The following CCDC85C variants were observed in gnomAD, a reference collection of about 807,000 sequenced individuals.
CCDC85C encodes the protein coiled-coil domain containing 85C.
A neutral mutation model predicts 38.3 loss-of-function variants in CCDC85C; 18 were observed. The observed-to-expected ratio is 0.47, with a 90% CI of 0.33 to 0.70. CCDC85C has a LOEUF of 0.70. Ranked by LOEUF, CCDC85C falls within the 30% of genes least tolerant of loss-of-function variation. The pLI is 0.03. For synonymous variants in CCDC85C, 264 were observed against 293.8 expected (o/e 0.90, Z 1.04); for missense variants, 566 against 621.2 (o/e 0.91, Z 0.94).
In CCDC85C at chr14:99,536,424, G is replaced by A. The variant is rs530390621; in HGVS notation, c.794-336C>T. On this transcript the variant is annotated intron_variant, in intron 1 of 5. Coordinates refer to ENST00000380243, the MANE Select transcript of CCDC85C (RefSeq NM_001144995.2). ...AGGTGGGGGGTGTGGGGGTGGCCTC[G>A]CCAGCCTGCCCTGGAGCAATTCCTT... Among the ~76,000 whole-genome samples the A allele has an allele frequency of 1.1e-4, 16 of 152,300 alleles. No homozygotes were observed. The South Asian group carries it at 1.9e-3, about 18-fold the overall frequency.
At position 99,572,581 on chromosome 14, in the gene CCDC85C, G is replaced by A. The variant is rs888540066; in HGVS notation, c.793+30586C>T. 16 of 430,146 alleles carry A rather than the reference G, an allele frequency of 3.7e-5. No individual in the cohort carries two copies. The highest frequency in any genetic ancestry group is 4.9e-5 in the Admixed American group (2 of 41,132). 26.6% of individuals were successfully genotyped at this position (430,146 alleles called of 1,614,324 possible). On this transcript the variant is annotated intron_variant, in intron 1 of 5. Transcript: ENST00000380243. This position sits in a 1 kb window ranked among gnomAD's most constrained non-coding sequence, Gnocchi z 4.4. ...CCAGCCACAGGGCCTGGTCAGCTCC[G>A]GGAAAGCTCTGACATCTGTCCTTTG...
Position 99,508,017 on chromosome 14 carries a change from G to C in CCDC85C, c.*7229C>G, listed in dbSNP as rs547896897. 2.0e-5 allele frequency: 3 copies of C among 152,226 alleles called. No homozygotes were observed. Among genetic ancestry groups the C allele is most frequent in the African/African-American group, 7.2e-5 (3 of 41,438 alleles). 9.4% of individuals were successfully genotyped at this position (152,226 alleles called of 1,614,324 possible). On this transcript the variant is annotated 3_prime_UTR_variant, in exon 6 of 6. Transcript: ENST00000380243. ...TCTCCAAAAGGTGGTCGATACTCCG[G>C]AGGCTTCCAAGCCTCTGTCAGCAGC...
rs138597487 is a variant in CCDC85C, at chr14:99,584,341, G to A, written c.793+18826C>T. ...TGTACCTCCACCAGCGATAAATCAC[G>A]TGGTGGTGGGGAGTGGAGCCAGTGG... On this transcript the variant is annotated intron_variant, in intron 1 of 5. Coordinates refer to ENST00000380243, the MANE Select transcript of CCDC85C (RefSeq NM_001144995.2). Among the ~76,000 whole-genome samples the A allele has an allele frequency of 4.6e-5, 7 of 152,272 alleles. No individual in the cohort carries two copies. The East Asian group carries it at 7.7e-4, about 17-fold the overall frequency.
At chr14:99,582,791 G>A (rs1302476365) in intron 1 of CCDC85C, among the ~76,000 whole-genome samples, 1 of 152,102 alleles carries the variant, frequency 6.6e-6, no homozygotes, top group Non-Finnish European at 1.5e-5. Context: ...TCCAGCCTGG[G>A]TGATAGAGCA....
intron 1 of CCDC85C, among the ~76,000 whole-genome samples, chr14:99,580,888 G>A (rs181384479): frequency 4.6e-5 from 7 of 152,270 alleles, no homozygotes; most frequent in Admixed American, 4.6e-4. Flanking sequence ...AGGAACTGCT[G>A]TTCATCTTCT....
chr14:99,587,817 G>A (rs1445575531), intron 1 of CCDC85C, among the ~76,000 whole-genome samples: 4 of 152,260 alleles, frequency 2.6e-5, no homozygotes, highest in South Asian at 2.1e-4. Flanking sequence ...TCTCATCCCC[G>A]GGCGCTGAGT....
intron 1 of CCDC85C, among the ~76,000 whole-genome samples, chr14:99,565,691 G>A (rs1257658244): frequency 2.6e-5 from 4 of 152,172 alleles, no homozygotes; most frequent in South Asian, 2.1e-4. Context: ...AGAAGCCCGG[G>A]AGGACACCGG....
chr14:99,581,227 A>C (rs1330123672), intron 1 of CCDC85C, among the ~76,000 whole-genome samples: 2 of 152,218 alleles, frequency 1.3e-5, no homozygotes, highest in African/African-American at 4.8e-5. Context: ...TGCTCAAACC[A>C]CTGGGCTCTC....
chr14:99,507,475 A>C lies in CCDC85C; in HGVS notation c.*7771T>G. 3.4e-6 allele frequency: 1 copy of C among 291,386 alleles called. No individual in the cohort carries two copies. 18.1% of individuals were successfully genotyped at this position (291,386 alleles called of 1,614,324 possible). ...AACTACTTAGGAGTCTGAGATGGGA[A>C]GATCATTTGAGCCCTGGGCAGTCAA... On this transcript the variant is annotated 3_prime_UTR_variant, in exon 6 of 6. Coordinates refer to ENST00000380243, the MANE Select transcript of CCDC85C (RefSeq NM_001144995.2).
intron 1 of CCDC85C, among the ~76,000 whole-genome samples, chr14:99,543,054 TGAG>T (rs1240607636): frequency 3.9e-5 from 6 of 152,320 alleles, no homozygotes; most frequent in South Asian, 4.1e-4. Flanking sequence ...TCCTCTAATC[TGAG>T]ACCCAAAAGG....
intron 1 of CCDC85C, among the ~76,000 whole-genome samples, chr14:99,551,727 G>A (rs1437289514): frequency 6.6e-6 from 1 of 151,740 alleles, no homozygotes; most frequent in Non-Finnish European, 1.5e-5. Flanking sequence ...GTGGGCAGAT[G>A]GGTGAGCAGG....
intron 2 of CCDC85C, among the ~76,000 whole-genome samples, chr14:99,526,430 A>C (rs980831818): frequency 1.3e-5 from 2 of 152,320 alleles, no homozygotes; most frequent in South Asian, 4.1e-4. Context: ...AGGTTGGAGG[A>C]CAGGGAGCTG....
At chr14:99,530,565 C>G (rs962788222) in intron 2 of CCDC85C, among the ~76,000 whole-genome samples, 8 of 152,342 alleles carry the variant, frequency 5.3e-5, no homozygotes, top group East Asian at 1.9e-4. Flanking sequence ...AGCAGCAGAT[C>G]GATCCCCTCT....
Position 99,509,544 on chromosome 14 carries a change from AGCACGC to A in CCDC85C, c.*5696_*5701del, listed in dbSNP as rs928396273. The A allele has an allele frequency of 1.3e-5, 2 of 154,514 alleles. No homozygotes were observed. The highest frequency in any genetic ancestry group is 4.8e-5 in the African/African-American group (2 of 41,426). 9.6% of individuals were successfully genotyped at this position (154,514 alleles called of 1,614,324 possible). A position where few individuals can be genotyped will look rare whatever the true frequency, so the allele number is the denominator to read the frequency against. ...ACGCACAGACATGCAGCACGCACGC[AGCACGC>A]ACACGCACACACATGCACACACTCC... is the stretch of plus-strand genomic sequence containing the variant. On this transcript the variant is annotated 3_prime_UTR_variant, in exon 6 of 6. Transcript: ENST00000380243.
At chr14:99,557,476 T>C (rs1004595298) in intron 1 of CCDC85C, among the ~76,000 whole-genome samples, 3 of 152,168 alleles carry the variant, frequency 2.0e-5, no homozygotes, top group Non-Finnish European at 4.4e-5. Flanking sequence ...TTTCCCCATA[T>C]AGAAACAAGG....
At chr14:99,599,166 C>T (rs2055174206) in intron 1 of CCDC85C, among the ~76,000 whole-genome samples, 2 of 152,148 alleles carry the variant, frequency 1.3e-5, no homozygotes, top group South Asian at 2.1e-4. Context: ...CAGACCACCC[C>T]GTTCCATCCT....
intron 2 of CCDC85C, among the ~76,000 whole-genome samples, chr14:99,528,515 C>A (rs1897431865): frequency 6.6e-6 from 1 of 152,166 alleles, no homozygotes; most frequent in Non-Finnish European, 1.5e-5. Context: ...GCACCCACCA[C>A]CCCCCATAGC....
chr14:99,510,071 T>G lies in CCDC85C; in HGVS notation c.*5175A>C. On this transcript the variant is annotated 3_prime_UTR_variant, in exon 6 of 6. Transcript: ENST00000380243. ...CGGGCAGCTGCTCCCTGCTCCTCTG[T>G]AAAGATGGCCCTGAAGGGCCAGGAG... 1 of 1,364,548 alleles carries G rather than the reference T, an allele frequency of 7.3e-7. No individual in the cohort carries two copies. Among genetic ancestry groups the G allele is most frequent in the Non-Finnish European group, 9.8e-7 (1 of 1,015,402 alleles). The allele number at this position is 1,364,548 out of a possible 1,614,324, so 84.5% of individuals were successfully genotyped here. A position where few individuals can be genotyped will look rare whatever the true frequency, so the allele number is the denominator to read the frequency against.
intron 2 of CCDC85C, chr14:99,534,820 C>T: frequency 1.5e-6 from 1 of 658,928 alleles, no homozygotes; most frequent in South Asian, 1.6e-5. Context: ...CAAAGCCCTT[C>T]ACCATAGGGC....
Sources: gnomAD v4.1 joint callset for allele counts (sites outside exome capture counted in the v4.1 genomes callset) on GRCh38, gnomAD v4.1.1 for gene constraint, Gnocchi (gnomAD v3.1) non-coding constraint, MANE v1.5 for transcripts, NCBI Gene and HGNC (gene_info 2026-07-23, HGNC 2026-07-21) for gene names.